The following CEP290 variants were observed in gnomAD, a reference collection of about 807,000 sequenced individuals.
CEP290 encodes centrosomal protein of 290 kDa.
CEP290 carries 317 observed loss-of-function variants against 344.9 expected under a neutral mutation model. The observed-to-expected ratio is 0.92, with a 90% CI of 0.84 to 1.01. CEP290 has a LOEUF of 1.01. Ranked by LOEUF, CEP290 falls within the 50% of genes least tolerant of loss-of-function variation. The pLI is 0.00. For synonymous variants in CEP290, 932 were observed against 895.8 expected, an observed-to-expected ratio of 1.04 and a Z score of -0.72; for missense variants, 2,754 against 2,761.4, an observed-to-expected ratio of 1.00 and a Z score of 0.06.
At position 88,128,844 on chromosome 12, in the gene CEP290, A is replaced by C. The variant is rs1277730142; in HGVS notation, c.942+102T>G. ...AACTTATGTTTAAAAACCCTAATAA[A>C]CGTGTTATAAACCAGTATAAGACAT... On this transcript the variant is annotated intron_variant, in intron 11 of 53. Coordinates refer to ENST00000552810, the MANE Select transcript of CEP290 (RefSeq NM_025114.4). The C allele has an allele frequency of 5.0e-5, 31 of 624,134 alleles. No homozygotes were observed. The Admixed American group carries it at 1.2e-3, about 24-fold the overall frequency. 38.7% of individuals were successfully genotyped at this position (624,134 alleles called of 1,614,324 possible).
chr12:88,083,988 T>C, intron 35 of CEP290, 34 bp from the exon 36 acceptor site: 1 of 1,313,626 alleles, frequency 7.6e-7, no homozygotes, highest in Admixed American at 2.2e-5. Flanking sequence ...ATATCTTAAA[T>C]TGTGATTAAA....
chr12:88,068,779 C>T, intron 43 of CEP290, 134 bp from the exon 44 acceptor site: 1 of 830,624 alleles, frequency 1.2e-6, no homozygotes, highest in Non-Finnish European at 1.8e-6. Flanking sequence ...TTCAAACCTT[C>T]TAAACTTTAT....
chr12:88,091,688 TC>T (rs1277381596), intron 29 of CEP290, among the ~76,000 whole-genome samples: 5 of 151,948 alleles, frequency 3.3e-5, no homozygotes. Context: ...AAAAAAAGGG[TC>T]TTTCATAGTG....
Position 88,096,971 on chromosome 12 carries a change from A to T in CEP290, c.3020T>A (p.Val1007Glu). 6.4e-7 allele frequency: 1 copy of T among 1,564,916 alleles called. No individual in the cohort carries two copies. The highest frequency in any genetic ancestry group is 8.7e-7 in the Non-Finnish European group (1 of 1,152,278). The change falls in exon 27 of 54, where the codon GTG becomes GAG. Residue 1007 changes from valine (V) to glutamate (E), a missense_variant. Val to Glu is a moderately radical substitution (Grantham distance 121). Transcript: ENST00000552810. ...CTCCAGTTCTTTATTTATAGACTCC[A>T]CTTGTTCTTTTAAGGAGATGTTTTC... ...ECENISLKEQ[V>E]ESINKELEIT... is the part of the protein sequence containing the mutation.
intron 6 of CEP290, 22 bp from the exon 7 acceptor site, chr12:88,131,240 AT>A (rs780118383): frequency 4.2e-5 from 60 of 1,437,878 alleles, no homozygotes; most frequent in South Asian, 2.7e-4. Flanking sequence ...AAAAAAAAAA[AT>A]AAATAAGAAG....
At chr12:88,082,901 T>C in intron 37 of CEP290, 130 bp downstream of exon 37, 1 of 573,528 alleles carries the variant, frequency 1.7e-6, no homozygotes, top group Non-Finnish European at 2.9e-6. Flanking sequence ...TAACCAGCAG[T>C]CCTGAGGATA....
chr12:88,071,445 C>T lies in CEP290; in HGVS notation c.5860G>A (p.Asp1954Asn), dbSNP rs368197113. The T allele has an allele frequency of 7.5e-6, 12 of 1,602,768 alleles. No individual in the cohort carries two copies. The highest frequency in any genetic ancestry group is 1.7e-5 in the Admixed American group (1 of 57,804). The change falls in exon 43 of 54, where the codon GAT becomes AAT. Residue 1954 changes from aspartate (D) to asparagine (N), a missense_variant. Coordinates refer to ENST00000552810, the MANE Select transcript of CEP290 (RefSeq NM_025114.4). ...NTLKDLFAKA[D>N]KEKLTLQRKL... ...CTCTGCAAAGTAAGTTTCTCTTTAT[C>T]GGCTCTGTGGAATTTAATATAGAAT...
At chr12:88,066,687 G>T (rs1023371445) in intron 44 of CEP290, among the ~76,000 whole-genome samples, 1 of 151,526 alleles carries the variant, frequency 6.6e-6, no homozygotes, top group Non-Finnish European at 1.5e-5. Flanking sequence ...TCACTCTGTT[G>T]CCCAGTCTGG....
intron 49 of CEP290, among the ~76,000 whole-genome samples, chr12:88,056,981 T>A (rs1294503181): frequency 1.3e-5 from 2 of 152,056 alleles, no homozygotes; most frequent in Non-Finnish European, 2.9e-5. Flanking sequence ...ACTTATGTCT[T>A]CTGCAATGTC....
chr12:88,111,855 T>C lies in CEP290; in HGVS notation c.2056A>G (p.Ile686Val), dbSNP rs1189284598. 1 of 1,566,542 alleles carries C rather than the reference T, an allele frequency of 6.4e-7. No homozygotes were observed. The highest frequency in any genetic ancestry group is 8.6e-7 in the Non-Finnish European group (1 of 1,158,256). The change falls in exon 21 of 54, where the codon ATA becomes GTA. Residue 686 changes from isoleucine (I) to valine (V), a missense_variant. By Grantham distance (29) the Ile-to-Val change is conservative. Transcript: ENST00000552810. ...ATTCCTTCTGCATTCTTTGATTCTA[T>C]AGCCTAGCAAATTTATATTATATAT... ...IPSLERLVNA[I>V]ESKNAEGIFD... is the part of the protein sequence containing the mutation.
Position 88,084,854 on chromosome 12 carries a change from TG to T in CEP290, c.4438-3del, listed in dbSNP as rs747323414. The T allele has an allele frequency of 2.3e-5, 35 of 1,519,086 alleles. No homozygotes were observed. Among genetic ancestry groups the T allele is most frequent in the Non-Finnish European group, 2.9e-5 (33 of 1,133,440 alleles). 94.1% of individuals were successfully genotyped at this position (1,519,086 alleles called of 1,614,324 possible). A position where few individuals can be genotyped will look rare whatever the true frequency, so the allele number is the denominator to read the frequency against. On this transcript the variant is annotated splice_region_variant and splice_polypyrimidine_tract_variant and intron_variant, in intron 34 of 53. Transcript: ENST00000552810. ...AGCAGATTCTTTCTCTTTTAGTTTC[TG>T]CAATGATTAAATTATAATAAATCAT...
At chr12:88,117,720 A>G (rs1426799224) in intron 17 of CEP290, among the ~76,000 whole-genome samples, 1 of 152,172 alleles carries the variant, frequency 6.6e-6, no homozygotes, top group Non-Finnish European at 1.5e-5. Context: ...TATTCAATAA[A>G]ACATTACTTT....
At chr12:88,102,055 C>A (rs2037931421) in intron 26 of CEP290, among the ~76,000 whole-genome samples, 1 of 152,216 alleles carries the variant, frequency 6.6e-6, no homozygotes, top group African/African-American at 2.4e-5. Context: ...AGATCTTATT[C>A]TACTCCTGTG....
chr12:88,104,314 A>G (rs930353994), intron 25 of CEP290: 3 of 152,050 alleles, frequency 2.0e-5, no homozygotes, highest in African/African-American at 7.2e-5. Flanking sequence ...TCCTGTCCAA[A>G]TTTAGTCATG....
At chr12:88,073,111 C>A (rs971825620) in intron 41 of CEP290, among the ~76,000 whole-genome samples, 1 of 152,146 alleles carries the variant, frequency 6.6e-6, no homozygotes, top group African/African-American at 2.4e-5. Flanking sequence ...ATTCTGCTTA[C>A]ACTGGTCTGA....
At chr12:88,055,323 A>G (rs1238925757) in intron 50 of CEP290, among the ~76,000 whole-genome samples, 1 of 152,130 alleles carries the variant, frequency 6.6e-6, no homozygotes, top group African/African-American at 2.4e-5. Flanking sequence ...CAAGATACCA[A>G]GAAGTGGTCA....
chr12:88,086,208 T>G lies in CEP290; in HGVS notation c.4303-35A>C, dbSNP rs373440680. The G allele has an allele frequency of 2.5e-6, 4 of 1,598,714 alleles. No homozygotes were observed. In the African/African-American group the frequency reaches 4.1e-5, roughly 16 times the overall value. On this transcript the variant is annotated intron_variant, in intron 33 of 53. Coordinates refer to ENST00000552810, the MANE Select transcript of CEP290 (RefSeq NM_025114.4). ...AATAGTATGTTTTTTAAAAAAGCAGTTGCAGCATTGAGAGTAACTATTAAT... is the reference window on the plus strand; with the variant it reads ...AATAGTATGTTTTTTAAAAAAGCAGGTGCAGCATTGAGAGTAACTATTAAT...
intron 25 of CEP290, chr12:88,103,796 T>C (rs1456625136): frequency 2.0e-5 from 3 of 152,128 alleles, no homozygotes; most frequent in Non-Finnish European, 4.4e-5. Context: ...TGGAAATATT[T>C]GTAATAGCGC....
intron 38 of CEP290, 68 bp from the exon 39 acceptor site, chr12:88,079,297 A>G: frequency 8.1e-7 from 1 of 1,229,890 alleles, no homozygotes; most frequent in Non-Finnish European, 1.1e-6. Flanking sequence ...AATATATGAT[A>G]TAAAAAATAA....
Sources: gnomAD v4.1 joint callset for allele counts (sites outside exome capture counted in the v4.1 genomes callset) on GRCh38, gnomAD v4.1.1 for gene constraint, MANE v1.5 for transcripts, NCBI Gene and HGNC (gene_info 2026-07-23, HGNC 2026-07-21) for gene names.